Variants in TMEM25 observed in about 807,000 individuals in gnomAD.
TMEM25 encodes transmembrane protein 25, also known as 0610039J01Rik.
A neutral mutation model predicts 37.0 loss-of-function variants in TMEM25; 36 were observed. That is an observed-to-expected ratio of 0.97 (90% CI 0.75 to 1.28). The LOEUF (loss-of-function observed/expected upper bound fraction) is 1.28, where lower values mean the gene tolerates loss of function less well. Ranked by LOEUF, TMEM25 falls within the 50% of genes most tolerant of loss-of-function variation. The pLI is 0.00. For missense variants in TMEM25, 444 were observed against 477.9 expected, an observed-to-expected ratio of 0.93 and a Z score of 0.66; for synonymous variants, 197 against 203.7, an observed-to-expected ratio of 0.97 and a Z score of 0.28.
Position 118,534,488 on chromosome 11 carries a change from G to A in TMEM25, c.1028-19G>A. On this transcript the variant is annotated intron_variant, in intron 8 of 8. Transcript: ENST00000313236. The surrounding 1 kb of genome is among the most constrained non-coding windows in gnomAD (Gnocchi z 4.6). ...GAACAAGCGTTACTGAGTCCCCGCG[G>A]GCTTCTTTGATCCCGCAGGTTTCAT... 6.2e-7 allele frequency: 1 copy of A among 1,614,102 alleles called. No homozygotes were observed. The highest frequency in any genetic ancestry group is 8.5e-7 in the Non-Finnish European group (1 of 1,180,014).
At position 118,533,523 on chromosome 11, in the gene TMEM25, G is replaced by C. The variant is rs1951396023; in HGVS notation, c.777G>C (p.Leu259=). 6.2e-7 allele frequency: 1 copy of C among 1,614,142 alleles called. No individual in the cohort carries two copies. Among genetic ancestry groups the C allele is most frequent in the African/African-American group, 1.3e-5 (1 of 75,040 alleles). Residue 259 remains leucine, a synonymous_variant, in exon 5 of 9, where the codon CTG becomes CTC. Coordinates refer to ENST00000313236, the MANE Select transcript of TMEM25 (RefSeq NM_032780.4). ...GGTTCAGCACCTTGGTGGCCTGCCT[G>C]GTCTGCAGAAAAGAGAAGAAAACCA... is the stretch of plus-strand genomic sequence containing the variant. The part of the protein sequence containing the change: ...LVGFSTLVAC[L]VCRKEKKTKG...
Position 118,532,290 on chromosome 11 carries a change from C to A in TMEM25, c.211C>A (p.Leu71Met), listed in dbSNP as rs781919370. The A allele has an allele frequency of 1.9e-6, 3 of 1,614,208 alleles. No homozygotes were observed. The highest frequency in any genetic ancestry group is 2.5e-6 in the Non-Finnish European group (3 of 1,180,026). The change falls in exon 3 of 9, where the codon CTG (leucine) becomes ATG (methionine). Residue 71 changes from leucine (L) to methionine (M), a missense_variant. Transcript: ENST00000313236. ...ATTGGCCTGGTATCTGGATGGACAG[C>A]TGCAGGAGGCCAGCACCTCAAGACT... Reference protein sequence around the residue: ...PRLAWYLDGQLQEASTSRLLS... With the variant: ...PRLAWYLDGQMQEASTSRLLS...
rs782357008 is a variant in TMEM25, at chr11:118,533,210, G to A, written c.673+3G>A. 1.9e-6 allele frequency: 3 copies of A among 1,586,730 alleles called. No individual in the cohort carries two copies. The highest frequency in any genetic ancestry group is 1.7e-6 in the Non-Finnish European group (2 of 1,170,280). On this transcript the variant is annotated splice_donor_region_variant and intron_variant, in intron 4 of 8. Coordinates refer to ENST00000313236, the MANE Select transcript of TMEM25 (RefSeq NM_032780.4). ...CAGTGCGTCGCTTCCAGCCCCAGGT[G>A]AGCATGGCCAGCAAGCGGCCCTGCA...
At chr11:118,546,005 T>G (rs1951675314) in intron 8 of TMEM25, 1 of 719,050 alleles carries the variant, frequency 1.4e-6, no homozygotes, top group East Asian at 2.7e-5. Flanking sequence ...AGTTCCTAAC[T>G]CCCTGTACTT....
chr11:118,544,714 C>G, intron 8 of TMEM25: 1 of 540,602 alleles, frequency 1.8e-6, no homozygotes, highest in Non-Finnish European at 3.3e-6. Flanking sequence ...GCATTAACTC[C>G]CCGGGGACAG....
intron 8 of TMEM25, chr11:118,545,635 A>G (rs1951662475): frequency 9.4e-7 from 1 of 1,068,312 alleles, no homozygotes; most frequent in Non-Finnish European, 1.4e-6. Context: ...GTAGTCACAT[A>G]AGCCAAACAC....
intron 8 of TMEM25, among the ~76,000 whole-genome samples, chr11:118,541,183 C>A (rs1555065224): frequency 6.6e-6 from 1 of 152,146 alleles, no homozygotes; most frequent in Non-Finnish European, 1.5e-5. Flanking sequence ...ACCTAACAGG[C>A]CAGGCGCCGT....
chr11:118,545,708 A>G (rs1411899585), intron 8 of TMEM25: 3 of 1,409,680 alleles, frequency 2.1e-6, no homozygotes, highest in Non-Finnish European at 3.0e-6. Flanking sequence ...TCAAGATACT[A>G]TCTTCCCAGA....
rs1383541266 is a variant in TMEM25, at chr11:118,531,762, C to T, written c.-27-13C>T. ...GCTGTCACCTGGCTGACAGGCCCGC[C>T]CCCTTCTCTCAGCAGCCTAGGGCCT... On this transcript the variant is annotated splice_polypyrimidine_tract_variant and intron_variant, in intron 1 of 8. Coordinates refer to ENST00000313236, the MANE Select transcript of TMEM25 (RefSeq NM_032780.4). 4 of 1,529,746 alleles carry T rather than the reference C, an allele frequency of 2.6e-6. No individual in the cohort carries two copies. Among genetic ancestry groups the T allele is most frequent in the African/African-American group, 1.4e-5 (1 of 72,416 alleles). The allele number at this position is 1,529,746 out of a possible 1,614,324, so 94.8% of individuals were successfully genotyped here.
At chr11:118,531,425 A>G (rs1951255703) in intron 1 of TMEM25, 191 bp downstream of exon 1, 2 of 416,904 alleles carry the variant, frequency 4.8e-6, no homozygotes, top group African/African-American at 4.1e-5. Context: ...GATTAGGAGA[A>G]AGGCGATCCC....
rs959556104 is a variant in TMEM25 at position 118,533,418 on chromosome 11, A to T, written c.674-2A>T. 2.5e-6 allele frequency: 4 copies of T among 1,613,604 alleles called. No individual in the cohort carries two copies. Among genetic ancestry groups the T allele is most frequent in the Non-Finnish European group, 3.4e-6 (4 of 1,179,980 alleles). On this transcript the variant is annotated splice_acceptor_variant, in intron 4 of 8. Coordinates refer to ENST00000313236, the MANE Select transcript of TMEM25 (RefSeq NM_032780.4). LOFTEE classifies it high-confidence loss of function. Reference sequence around the variant, plus strand: ...GGACCTGACACAGAGGACATCCTCCAGGGCTTCTGGCTACCCGGGTGGAAG... The same window carrying T: ...GGACCTGACACAGAGGACATCCTCCTGGGCTTCTGGCTACCCGGGTGGAAG...
At chr11:118,537,817 G>A (rs545197719), downstream of TMEM25, among the ~76,000 whole-genome samples, 4 of 152,244 alleles carry the variant, frequency 2.6e-5, 1 homozygote, top group Middle Eastern at 6.8e-3. Flanking sequence ...TTGGGAGGCC[G>A]AGGCGGGTGG....
At chr11:118,545,292 G>C in intron 8 of TMEM25, 1 of 828,250 alleles carries the variant, frequency 1.2e-6, no homozygotes. Context: ...AAAGGGCGAA[G>C]GTAACTGGGC....
rs1173608647 is a variant in TMEM25 at position 118,533,877 on chromosome 11, C to CT, written c.827dup (p.Ile277AspfsTer4). ...CACAGGCCCCTCCCGGCACCCATCT[C>CT]TGATATCAAGGTAACTCTTCCTTGG... On this transcript the variant is annotated frameshift_variant, in exon 6 of 9. Coordinates refer to ENST00000313236, the MANE Select transcript of TMEM25 (RefSeq NM_032780.4). LOFTEE classifies it high-confidence loss of function. 1 of 1,613,998 alleles carries CT rather than the reference C, an allele frequency of 6.2e-7. No homozygotes were observed. Among genetic ancestry groups the CT allele is most frequent in the African/African-American group, 1.3e-5 (1 of 74,906 alleles).
chr11:118,531,974 C>A, intron 2 of TMEM25, 103 bp downstream of exon 2: 1 of 1,430,642 alleles, frequency 7.0e-7, no homozygotes, highest in Non-Finnish European at 9.5e-7. Flanking sequence ...GCCCCAAGCC[C>A]TGGAGTCCCT....
Position 118,534,452 on chromosome 11 carries a change from C to T in TMEM25, c.1028-55C>T. The T allele has an allele frequency of 6.2e-7, 1 of 1,611,920 alleles. No individual in the cohort carries two copies. The highest frequency in any genetic ancestry group is 8.5e-7 in the Non-Finnish European group (1 of 1,178,900). On this transcript the variant is annotated intron_variant, in intron 8 of 8. Coordinates refer to ENST00000313236, the MANE Select transcript of TMEM25 (RefSeq NM_032780.4). This position sits in a 1 kb window ranked among gnomAD's most constrained non-coding sequence, Gnocchi z 4.6. ...TGCCCAGGAGGCAGAGAGAGCTCTC[C>T]AAATTCCAAGGAACAAGCGTTACTG... is the stretch of plus-strand genomic sequence containing the variant.
At chr11:118,545,668 G>T in intron 8 of TMEM25, 1 of 1,190,362 alleles carries the variant, frequency 8.4e-7, no homozygotes, top group Non-Finnish European at 1.2e-6. Flanking sequence ...CTGCCAAAGA[G>T]CACAACGGGC....
rs1591338617 is a variant in TMEM25, at chr11:118,533,160, T to G, written c.626T>G (p.Val209Gly). ...AGCCTGGCACACAACCTCTCGGTGG[T>G]GGCCACCAATGACGTGGGTGTCACC... ...LRSLAHNLSV[V>G]ATNDVGVTSA... Residue 209 changes from valine (V) to glycine (G), a missense_variant, in exon 4 of 9, where the codon GTG becomes GGG. By Grantham distance (109) the Val-to-Gly change is moderately radical. Transcript: ENST00000313236. 6.2e-7 allele frequency: 1 copy of G among 1,607,300 alleles called. No homozygotes were observed. The highest frequency in any genetic ancestry group is 1.3e-5 in the African/African-American group (1 of 74,910).
intron 8 of TMEM25, among the ~76,000 whole-genome samples, chr11:118,542,956 G>A (rs797029487): frequency 6.8e-6 from 1 of 147,920 alleles, no homozygotes; most frequent in African/African-American, 2.5e-5. Context: ...AATTTGCTGG[G>A]TGAGGCTGGG....
Sources: allele counts gnomAD v4.1 joint callset (sites outside exome capture counted in the v4.1 genomes callset), GRCh38; gene constraint gnomAD v4.1.1; non-coding constraint Gnocchi (gnomAD v3.1); transcripts MANE v1.5; gene names NCBI Gene and HGNC (gene_info 2026-07-23, HGNC 2026-07-21).